Variants in FGF12 observed in about 807,000 individuals in gnomAD.
FGF12 encodes the protein fibroblast growth factor 12B.
In FGF12, 14 loss-of-function variants were observed where a neutral mutation model predicts 23.6. The observed-to-expected ratio is 0.59, with a 90% CI of 0.39 to 0.93. FGF12 has a LOEUF of 0.93. Among genes scored for constraint, FGF12 ranks in the 40% least tolerant of loss-of-function variants. The pLI is 0.00. For missense variants in FGF12, 175 were observed against 217.8 expected, an observed-to-expected ratio of 0.80 and a Z score of 1.24; for synonymous variants, 62 against 77.3, an observed-to-expected ratio of 0.80 and a Z score of 1.04.
chr3:192,423,674 C>G (rs1721604976), intron 2 of FGF12, among the ~76,000 whole-genome samples: 1 of 152,184 alleles, frequency 6.6e-6, no homozygotes, highest in Non-Finnish European at 1.5e-5. Context: ...TGCTTTAGGT[C>G]ACACAGTTCT....
intron 2 of FGF12, among the ~76,000 whole-genome samples, chr3:192,679,105 T>C (rs1051538527): frequency 8.5e-5 from 13 of 152,100 alleles, no homozygotes; most frequent in African/African-American, 2.4e-4. Context: ...GAAAAAGAAA[T>C]GAGTAGATAG....
intron 2 of FGF12, among the ~76,000 whole-genome samples, chr3:192,396,363 T>A (rs1720517686): frequency 6.6e-6 from 1 of 152,222 alleles, no homozygotes; most frequent in African/African-American, 2.4e-5. Flanking sequence ...AACTTGACTG[T>A]AGATATTTAA....
chr3:192,719,114 GATT>G (rs111524205), intron 2 of FGF12, among the ~76,000 whole-genome samples: 2 of 152,262 alleles, frequency 1.3e-5, no homozygotes, highest in African/African-American at 4.8e-5. Flanking sequence ...TAGTCTGTTA[GATT>G]AATACATTAG....
At chr3:192,618,113 C>T (rs1390947192) in intron 2 of FGF12, among the ~76,000 whole-genome samples, 1 of 151,798 alleles carries the variant, frequency 6.6e-6, no homozygotes, top group Non-Finnish European at 1.5e-5. Context: ...CATAAGCAAC[C>T]CTTACAGGAA....
intron 2 of FGF12, among the ~76,000 whole-genome samples, chr3:192,711,940 C>CAAAAAAAAAAAAAAAA: frequency 2.0e-5 from 1 of 50,822 alleles, no homozygotes; most frequent in Non-Finnish European, 5.1e-5. Context: ...CAAGAACGAT[C>CAAAAAAAAAAAAAAAA]AAAAAAAAAA....
chr3:192,217,041 T>C (rs1480385567), intron 4 of FGF12, among the ~76,000 whole-genome samples: 1 of 152,194 alleles, frequency 6.6e-6, no homozygotes, highest in African/African-American at 2.4e-5. Flanking sequence ...ATACATACAG[T>C]ATGCAAGAGC....
chr3:192,520,059 C>T (rs1421146436), intron 2 of FGF12, among the ~76,000 whole-genome samples: 1 of 152,206 alleles, frequency 6.6e-6, no homozygotes, highest in African/African-American at 2.4e-5. Flanking sequence ...AGAACAATAG[C>T]AACCAACATC....
At chr3:192,390,423 CA>C (rs1720243118) in intron 2 of FGF12, among the ~76,000 whole-genome samples, 1 of 152,056 alleles carries the variant, frequency 6.6e-6, no homozygotes, top group Non-Finnish European at 1.5e-5. Flanking sequence ...GGAACCTTTG[CA>C]AAGGTTTCTA....
At chr3:192,195,804 A>C (rs1280875180) in intron 4 of FGF12, among the ~76,000 whole-genome samples, 8 of 152,206 alleles carry the variant, frequency 5.3e-5, no homozygotes, top group Non-Finnish European at 1.0e-4. Context: ...ACACATTGTG[A>C]AATGGTTAAA....
At chr3:192,390,106 A>G (rs184795849) in intron 2 of FGF12, among the ~76,000 whole-genome samples, 14 of 152,344 alleles carry the variant, frequency 9.2e-5, no homozygotes, top group Admixed American at 8.5e-4. Flanking sequence ...CACTATGTGA[A>G]AAATATCAAA....
At chr3:192,227,580 T>TAAAAAAAAAAAAAAAAA (rs778525112) in intron 4 of FGF12, among the ~76,000 whole-genome samples, 1 of 60,274 alleles carries the variant, frequency 1.7e-5, no homozygotes, top group Admixed American at 1.8e-4. Context: ...GAACTTAAAG[T>TAAAAAAAAAAAAAAAAA]AAAAAAAAAA....
At chr3:192,564,723 A>G (rs1184322003) in intron 2 of FGF12, among the ~76,000 whole-genome samples, 1 of 152,216 alleles carries the variant, frequency 6.6e-6, no homozygotes, top group African/African-American at 2.4e-5. Context: ...TCAGTGCAGC[A>G]ATGAGCTTGA....
In FGF12 at chr3:192,317,575, A is replaced by G. The variant is rs189662942; in HGVS notation, c.228+17786T>C. ...GCTAGCTCAACCACAGTAGAATAGA[A>G]CACCAGCAAGATTCATAAGGTTCTC... On this transcript the variant is annotated intron_variant, in intron 4 of 5. Coordinates refer to ENST00000445105, the MANE Select transcript of FGF12 (RefSeq NM_004113.6). 1.4e-3 allele frequency among the ~76,000 whole-genome samples: 199 copies of G among 139,226 alleles called. 1 individual carries two copies. The highest frequency in any genetic ancestry group is 6.3e-3 in the African/African-American group (188 of 29,656). The allele number at this position is 139,226 out of a possible 152,430, so 91.3% of individuals were successfully genotyped here. A position where few individuals can be genotyped will look rare whatever the true frequency, so the allele number is the denominator to read the frequency against.
In FGF12 at chr3:192,423,725, T is replaced by G. The variant is rs192516549; in HGVS notation, c.14-63187A>C. Among the ~76,000 whole-genome samples, 14 of 152,316 alleles carry G rather than the reference T, an allele frequency of 9.2e-5. No homozygotes were observed. The East Asian group carries it at 2.5e-3, about 27-fold the overall frequency. On this transcript the variant is annotated intron_variant, in intron 2 of 5. Transcript: ENST00000445105. ...AAACACAGCCTAGGCCTCCTGATTC[T>G]ACGATCAGTGGTTTCTCTGGTATAA...
chr3:192,572,627 CACAG>C (rs1161860518), intron 2 of FGF12, among the ~76,000 whole-genome samples: 1 of 152,168 alleles, frequency 6.6e-6, no homozygotes, highest in African/African-American at 2.4e-5. Flanking sequence ...CAGTTTTATG[CACAG>C]ACAAATACCA....
intron 2 of FGF12, among the ~76,000 whole-genome samples, chr3:192,439,609 G>T (rs939512399): frequency 3.9e-5 from 6 of 152,176 alleles, no homozygotes; most frequent in Non-Finnish European, 7.3e-5. Context: ...AGTGGTGGGA[G>T]AGACAGGTGG....
intron 4 of FGF12, among the ~76,000 whole-genome samples, chr3:192,273,544 A>G (rs1713584370): frequency 6.6e-6 from 1 of 152,110 alleles, no homozygotes; most frequent in Non-Finnish European, 1.5e-5. Flanking sequence ...GGAGTCACGC[A>G]GCATCTCTTG....
At position 192,535,504 on chromosome 3, in the gene FGF12, T is replaced by A. The variant is rs143375469; in HGVS notation, c.14-174966A>T. Among the ~76,000 whole-genome samples the A allele has an allele frequency of 1.8e-4, 28 of 152,232 alleles. No individual in the cohort carries two copies. The East Asian group carries it at 5.2e-3, about 28-fold the overall frequency. ...GAACAATGTGAGAAGAATTTGGAGC[T>A]CCTGTGAGCCATCTGGAAGGGACTA... On this transcript the variant is annotated intron_variant, in intron 2 of 5. Coordinates refer to ENST00000445105, the MANE Select transcript of FGF12 (RefSeq NM_004113.6).
At chr3:192,223,887 C>T (rs1378363510) in intron 4 of FGF12, among the ~76,000 whole-genome samples, 1 of 152,056 alleles carries the variant, frequency 6.6e-6, no homozygotes, top group Non-Finnish European at 1.5e-5. Context: ...CGCAAACTCT[C>T]CTGCCTAATG....
Sources: gnomAD v4.1 joint callset for allele counts (sites outside exome capture counted in the v4.1 genomes callset) on GRCh38, gnomAD v4.1.1 for gene constraint, MANE v1.5 for transcripts, NCBI Gene and HGNC (gene_info 2026-07-23, HGNC 2026-07-21) for gene names.